RYR3: variants seen among roughly 807,000 people sequenced by gnomAD.
RYR3 encodes the protein brain ryanodine receptor-calcium release channel.
In RYR3, 207 loss-of-function variants were observed where a neutral mutation model predicts 584.3. That is an observed-to-expected ratio of 0.35 (90% confidence interval 0.32 to 0.40). The LOEUF (loss-of-function observed/expected upper bound fraction) is 0.40, where lower values mean the gene tolerates loss of function less well. Ranked by LOEUF, RYR3 falls within the 10% of genes least tolerant of loss-of-function variation. The pLI, the probability that RYR3 is intolerant of heterozygous loss-of-function variation, is 1.00. For synonymous variants in RYR3, 2,416 were observed against 2,248.5 expected (o/e 1.07, Z -2.11); for missense variants, 5,616 against 6,089.2 (o/e 0.92, Z 2.59).
intron 3 of RYR3, among the ~76,000 whole-genome samples, chr15:33,516,266 C>A (rs970145860): frequency 6.6e-6 from 1 of 151,768 alleles, no homozygotes; most frequent in Non-Finnish European, 1.5e-5. Flanking sequence ...AGAGGCATGC[C>A]CCCCCCGAAA....
chr15:33,351,096 G>T (rs980125713), intron 1 of RYR3, among the ~76,000 whole-genome samples: 26 of 152,160 alleles, frequency 1.7e-4, no homozygotes, highest in Non-Finnish European at 2.9e-4. Context: ...CGATCCCACA[G>T]AAATACAAAC....
chr15:33,629,797 T>C, intron 21 of RYR3, 143 bp from the exon 22 acceptor site: 1 of 579,342 alleles, frequency 1.7e-6, no homozygotes. Context: ...AGATCATCTG[T>C]TTGCCGAATA....
In RYR3 at chr15:33,566,701, C is replaced by G. The variant is rs2057735161; in HGVS notation, c.1170C>G (p.His390Gln). The change falls in exon 12 of 104, where the codon CAC becomes CAG. Residue 390 changes from histidine to glutamine, a missense_variant. Physicochemically the swap from His to Gln is conservative, Grantham distance 24 (BLOSUM62 0). Coordinates refer to ENST00000634891, the MANE Select transcript of RYR3 (RefSeq NM_001036.6). The part of the protein sequence containing the change: ...KRKVILHQEG[H>Q]MDDGLTLQRC... ...AGGTCATACTCCATCAGGAAGGCCA[C>G]ATGGATGATGGATTAACACTGCAGA... 2 of 1,613,664 alleles carry G rather than the reference C, an allele frequency of 1.2e-6. No individual in the cohort carries two copies. The highest frequency in any genetic ancestry group is 4.5e-5 in the East Asian group (2 of 44,870).
In RYR3 at chr15:33,562,987, C is replaced by A; in HGVS notation, c.1123C>A (p.Arg375Ser). The change falls in exon 11 of 104, where the codon CGC becomes AGC. Residue 375 changes from arginine to serine, a missense_variant. Transcript: ENST00000634891. ...TYKAQDAKTS[R>S]LGPLKRKVIL... ...CAAAGCACAAGACGCCAAAACTTCC[C>A]GCCTGGGACCTCTAAAAAGAAAGGT... 11 of 1,609,426 alleles carry A rather than the reference C, an allele frequency of 6.8e-6. No homozygotes were observed. Among genetic ancestry groups the A allele is most frequent in the Non-Finnish European group, 9.3e-6 (11 of 1,177,736 alleles).
At chr15:33,860,150 A>T (rs2080182282) in intron 100 of RYR3, among the ~76,000 whole-genome samples, 1 of 152,164 alleles carries the variant, frequency 6.6e-6, no homozygotes, top group African/African-American at 2.4e-5. Flanking sequence ...TTGGAGAAAG[A>T]TGATAAATTT....
chr15:33,803,573 T>A (rs528938500), intron 69 of RYR3, among the ~76,000 whole-genome samples: 6 of 152,284 alleles, frequency 3.9e-5, no homozygotes, highest in African/African-American at 1.2e-4. Flanking sequence ...TGGAGTGCAG[T>A]GGCATGATCT....
chr15:33,371,296 A>G (rs541482609), intron 1 of RYR3, among the ~76,000 whole-genome samples: 7 of 152,280 alleles, frequency 4.6e-5, no homozygotes, highest in Admixed American at 3.9e-4. Flanking sequence ...GTAGAAGGGA[A>G]AGCCTTCAGC....
At chr15:33,586,452 G>A (rs1019568046) in intron 16 of RYR3, among the ~76,000 whole-genome samples, 13 of 152,156 alleles carry the variant, frequency 8.5e-5, no homozygotes, top group South Asian at 6.2e-4. Context: ...CAGGAACTTC[G>A]TAGTGAAACA....
intron 10 of RYR3, among the ~76,000 whole-genome samples, chr15:33,561,205 A>AT (rs2057380339): frequency 6.6e-6 from 1 of 152,206 alleles, no homozygotes; most frequent in Non-Finnish European, 1.5e-5. Context: ...TGTGCCCTTG[A>AT]TTTTTTTCAT....
At chr15:33,860,929 AAT>A in intron 101 of RYR3, 147 bp from the exon 102 acceptor site, 2 of 575,294 alleles carry the variant, frequency 3.5e-6, no homozygotes, top group South Asian at 4.9e-5. Context: ...ACTAATAGCC[AAT>A]GTATGGCACT....
At chr15:33,645,039 A>C (rs917890658) in intron 28 of RYR3, among the ~76,000 whole-genome samples, 2 of 152,112 alleles carry the variant, frequency 1.3e-5, no homozygotes, top group African/African-American at 4.8e-5. Context: ...ATTAAAAAAA[A>C]ATTTAAAAGT....
chr15:33,744,863 G>A (rs1243456311), intron 52 of RYR3, among the ~76,000 whole-genome samples: 1 of 152,174 alleles, frequency 6.6e-6, no homozygotes, highest in South Asian at 2.1e-4. Flanking sequence ...AAACATGTGG[G>A]TTTTACCAGG....
At chr15:33,706,898 C>G (rs778209823) in intron 42 of RYR3, 21 bp from the exon 43 acceptor site, 42 of 1,582,110 alleles carry the variant, frequency 2.7e-5, no homozygotes, top group Non-Finnish European at 3.6e-5. Flanking sequence ...CGAAAGAACA[C>G]TTTTGTACTG....
intron 3 of RYR3, among the ~76,000 whole-genome samples, chr15:33,511,086 A>G (rs982246619): frequency 6.6e-6 from 1 of 152,132 alleles, no homozygotes; most frequent in African/African-American, 2.4e-5. Context: ...GAGAAATTCC[A>G]AATTGCCTGA....
chr15:33,862,225 C>A (rs778890547), intron 102 of RYR3, among the ~76,000 whole-genome samples: 2 of 152,162 alleles, frequency 1.3e-5, no homozygotes, highest in African/African-American at 2.4e-5. Flanking sequence ...CCTCATCTTT[C>A]GAGATAGATA....
chr15:33,333,896 T>C (rs1595746551), intron 1 of RYR3, among the ~76,000 whole-genome samples: 1 of 152,020 alleles, frequency 6.6e-6, no homozygotes, highest in Non-Finnish European at 1.5e-5. Flanking sequence ...TCTTCTACAC[T>C]AACAACAGTC....
At position 33,853,695 on chromosome 15, in the gene RYR3, T is replaced by C; in HGVS notation, c.13799+13T>C. On this transcript the variant is annotated intron_variant, in intron 96 of 103. Transcript: ENST00000634891. ...CTCTGGTGTCATGGTACAAAAAGCT[T>C]AGGAGTTCAAATCCAAAGCAGCTAA... 1.9e-6 allele frequency: 3 copies of C among 1,609,960 alleles called. No homozygotes were observed. The highest frequency in any genetic ancestry group is 2.5e-6 in the Non-Finnish European group (3 of 1,177,934).
chr15:33,413,834 T>A (rs2043588033), intron 1 of RYR3, among the ~76,000 whole-genome samples: 1 of 152,228 alleles, frequency 6.6e-6, no homozygotes, highest in Non-Finnish European at 1.5e-5. Context: ...TCCTATTAAC[T>A]TTTTTACCAT....
chr15:33,511,868 T>C (rs1220386229), intron 3 of RYR3, among the ~76,000 whole-genome samples: 2 of 152,280 alleles, frequency 1.3e-5, no homozygotes, highest in Non-Finnish European at 2.9e-5. Flanking sequence ...AAGCTCCACC[T>C]CCCGGGTTCA....
Sources: gnomAD v4.1 joint callset for allele counts (sites outside exome capture counted in the v4.1 genomes callset) on GRCh38, gnomAD v4.1.1 for gene constraint, MANE v1.5 for transcripts, NCBI Gene and HGNC (gene_info 2026-07-23, HGNC 2026-07-21) for gene names.